EXT2: variants seen among roughly 807,000 people sequenced by gnomAD.
EXT2 encodes the protein exostosin-2.
Under a neutral mutation model 81.6 loss-of-function variants are expected in EXT2, and 53 were observed. That is an observed-to-expected ratio of 0.65 (90% CI 0.52 to 0.82). The LOEUF is 0.82. Among genes scored for constraint, EXT2 ranks in the 40% least tolerant of loss-of-function variants. EXT2 has a pLI of 0.00. For missense variants in EXT2, 774 were observed against 910.2 expected, an observed-to-expected ratio of 0.85 and a Z score of 1.93; for synonymous variants, 320 against 340.0, an observed-to-expected ratio of 0.94 and a Z score of 0.65.
rs549822225 is a variant in EXT2, at chr11:44,153,983, GT to G, written c.1174-17618del. Among the ~76,000 whole-genome samples, 78 of 144,048 alleles carry G rather than the reference GT, an allele frequency of 5.4e-4. No homozygotes were observed. The East Asian group carries it at 0.012, about 22-fold the overall frequency. 94.5% of individuals were successfully genotyped at this position (144,048 alleles called of 152,430 possible). On this transcript the variant is annotated intron_variant, in intron 7 of 13. Coordinates refer to ENST00000533608, the MANE Select transcript of EXT2 (RefSeq NM_207122.2). The stretch of plus-strand genomic sequence containing the variant: ...GAGAGATATTGGTCTGTAGTTTTCT[GT>G]TTTTTTTTTAATTAAAAAATTTTAT...
intron 10 of EXT2, among the ~76,000 whole-genome samples, chr11:44,221,452 A>G (rs1212697085): frequency 6.6e-6 from 1 of 152,168 alleles, no homozygotes; most frequent in Non-Finnish European, 1.5e-5. Context: ...TCAAAATGAG[A>G]TATCTGCAAT....
chr11:44,144,363 G>A (rs772223419), intron 7 of EXT2: 1 of 1,580,622 alleles, frequency 6.3e-7, no homozygotes, highest in South Asian at 1.1e-5. Flanking sequence ...AGAAAACCGG[G>A]CCCAGCAGAA....
intron 8 of EXT2, among the ~76,000 whole-genome samples, chr11:44,181,516 G>C (rs900894941): frequency 6.6e-6 from 1 of 152,116 alleles, no homozygotes; most frequent in Admixed American, 6.5e-5. Flanking sequence ...GTGCTAGACT[G>C]ATTGCTGTTT....
At chr11:44,233,184 T>C (rs373019069) in intron 11 of EXT2, among the ~76,000 whole-genome samples, 1 of 152,272 alleles carries the variant, frequency 6.6e-6, no homozygotes, top group African/African-American at 2.4e-5. Context: ...TCTAAGCATA[T>C]ATATGTTGTG....
chr11:44,224,432 A>T (rs768230679), intron 10 of EXT2, among the ~76,000 whole-genome samples: 4 of 152,068 alleles, frequency 2.6e-5, no homozygotes, highest in Non-Finnish European at 5.9e-5. Flanking sequence ...AATAATATTG[A>T]GGACATCATC....
At chr11:44,224,620 G>T (rs76307972) in intron 10 of EXT2, among the ~76,000 whole-genome samples, 1 of 151,988 alleles carries the variant, frequency 6.6e-6, no homozygotes, top group Non-Finnish European at 1.5e-5. Context: ...ATGAAATAAC[G>T]CATTAAATAA....
intron 8 of EXT2, among the ~76,000 whole-genome samples, chr11:44,186,209 A>G (rs1955309002): frequency 6.6e-6 from 1 of 152,242 alleles, no homozygotes; most frequent in Admixed American, 6.5e-5. Flanking sequence ...AATAAAATCA[A>G]TGGTATGTTA....
chr11:44,239,596 T>C (rs555753181), intron 13 of EXT2, among the ~76,000 whole-genome samples: 176 of 151,642 alleles, frequency 1.2e-3, no homozygotes, highest in Admixed American at 2.1e-3. Flanking sequence ...TTTCACCATG[T>C]TGGCCAGGAT....
chr11:44,155,109 T>G (rs1262133148), intron 7 of EXT2, among the ~76,000 whole-genome samples: 1 of 152,176 alleles, frequency 6.6e-6, no homozygotes, highest in Non-Finnish European at 1.5e-5. Flanking sequence ...GCTTTTTAAC[T>G]CTGTGATCCC....
rs1455670397 is a variant in EXT2 at position 44,236,323 on chromosome 11, G to C, written c.1966G>C (p.Glu656Gln). Reference sequence around the variant, plus strand: ...CCCACGAAAGAAATTCAAGTGTCCTGAGTGCACAGCCATAGATGGGCTTTC... The same window carrying C: ...CCCACGAAAGAAATTCAAGTGTCCTCAGTGCACAGCCATAGATGGGCTTTC... ...VTPRKKFKCP[E>Q]CTAIDGLSLD... is the part of the protein sequence containing the mutation. Residue 656 changes from glutamate to glutamine, a missense_variant, in exon 13 of 14, where the codon GAG becomes CAG. Physicochemically the swap from Glu to Gln is conservative, Grantham distance 29. Transcript: ENST00000533608. 6.2e-7 allele frequency: 1 copy of C among 1,614,084 alleles called. No individual in the cohort carries two copies.
intron 7 of EXT2, among the ~76,000 whole-genome samples, chr11:44,130,610 C>T (rs1465440398): frequency 1.3e-5 from 2 of 152,206 alleles, no homozygotes; most frequent in Admixed American, 6.5e-5. Flanking sequence ...CCTCTCTTTC[C>T]AAATTTCTCT....
chr11:44,193,411 A>G (rs74342554), intron 8 of EXT2, among the ~76,000 whole-genome samples: 4 of 152,210 alleles, frequency 2.6e-5, no homozygotes, highest in Admixed American at 1.3e-4. Context: ...TACCTTACAT[A>G]TATTACCTCA....
chr11:44,178,196 A>G (rs1955184879), intron 8 of EXT2, among the ~76,000 whole-genome samples: 1 of 152,250 alleles, frequency 6.6e-6, no homozygotes. Flanking sequence ...AGTAGGCATC[A>G]GAATACAGAG....
At chr11:44,105,734 G>A (rs1268065969) in intron 1 of EXT2, among the ~76,000 whole-genome samples, 2 of 152,204 alleles carry the variant, frequency 1.3e-5, no homozygotes, top group African/African-American at 4.8e-5. Flanking sequence ...TATAGGAGAG[G>A]CTTGTTTGGT....
chr11:44,200,805 A>G lies in EXT2; in HGVS notation c.1495+2787A>G, dbSNP rs572913899. Among the ~76,000 whole-genome samples, 15 of 152,280 alleles carry G rather than the reference A, an allele frequency of 9.9e-5. No individual in the cohort carries two copies. In the East Asian group the frequency reaches 2.9e-3, roughly 29 times the overall value. On this transcript the variant is annotated intron_variant, in intron 9 of 13. Coordinates refer to ENST00000533608, the MANE Select transcript of EXT2 (RefSeq NM_207122.2). ...TTTATGATAGTGATTGGCAGGATGG[A>G]CTTGGGGTCATCTTCAGTCAACCTG...
chr11:44,166,569 A>G (rs1284237982), intron 7 of EXT2, among the ~76,000 whole-genome samples: 1 of 152,194 alleles, frequency 6.6e-6, no homozygotes, highest in Non-Finnish European at 1.5e-5. Flanking sequence ...AGTGGAGATG[A>G]TATTAGTTAC....
intron 1 of EXT2, among the ~76,000 whole-genome samples, chr11:44,105,619 T>C (rs923784238): frequency 6.6e-5 from 10 of 152,212 alleles, no homozygotes; most frequent in African/African-American, 2.4e-4. Flanking sequence ...TATTTTGACA[T>C]GCAGGATGCC....
chr11:44,126,730 T>C, intron 5 of EXT2, 86 bp from the exon 6 acceptor site: 1 of 1,573,958 alleles, frequency 6.4e-7, no homozygotes, highest in Non-Finnish European at 8.7e-7. Flanking sequence ...CGTCAACCCT[T>C]GTAGAAACTT....
intron 10 of EXT2, 112 bp downstream of exon 10, chr11:44,207,071 A>C: frequency 7.9e-7 from 1 of 1,262,052 alleles, no homozygotes; most frequent in Non-Finnish European, 1.1e-6. Flanking sequence ...AGTTTCTAAA[A>C]TCTTCCAGTA....
Sources: allele counts gnomAD v4.1 joint callset (sites outside exome capture counted in the v4.1 genomes callset), GRCh38; gene constraint gnomAD v4.1.1; transcripts MANE v1.5; gene names NCBI Gene and HGNC (gene_info 2026-07-23, HGNC 2026-07-21).